Variants in FAM83F observed in about 807,000 individuals in gnomAD.
FAM83F encodes protein FAM83F.
In FAM83F, 45 loss-of-function variants were observed where a neutral mutation model predicts 42.9. That is an observed-to-expected ratio of 1.05 (90% CI 0.83 to 1.35). FAM83F has a LOEUF of 1.35. Ranked by LOEUF, FAM83F falls within the 40% of genes most tolerant of loss-of-function variation. FAM83F has a pLI of 0.00. For synonymous variants in FAM83F, 306 were observed against 298.3 expected (o/e 1.03, Z -0.27); for missense variants, 617 against 695.9 (o/e 0.89, Z 1.28).
At chr22:40,016,940 A>G (rs547231623) in intron 1 of FAM83F, among the ~76,000 whole-genome samples, 3 of 152,332 alleles carry the variant, frequency 2.0e-5, no homozygotes, top group Admixed American at 1.3e-4. Context: ...CTGGGATTAC[A>G]GGCTTGAGAC....
At chr22:40,005,844 A>G (rs367973445) in intron 1 of FAM83F, among the ~76,000 whole-genome samples, 9 of 152,336 alleles carry the variant, frequency 5.9e-5, no homozygotes, top group African/African-American at 2.2e-4. Flanking sequence ...AGTGAGTCCA[A>G]GACAATGGAA....
At chr22:40,005,573 T>C (rs2067423055) in intron 1 of FAM83F, among the ~76,000 whole-genome samples, 2 of 152,244 alleles carry the variant, frequency 1.3e-5, no homozygotes, top group Non-Finnish European at 2.9e-5. Context: ...TCTGTCTTCC[T>C]CCTCTGGAGA....
intron 4 of FAM83F, among the ~76,000 whole-genome samples, chr22:40,024,175 A>G (rs1490006762): frequency 6.6e-6 from 1 of 151,952 alleles, no homozygotes; most frequent in Non-Finnish European, 1.5e-5. Context: ...AATTTTTTAA[A>G]TTGTTTGTAT....
In FAM83F at chr22:40,040,860, C is replaced by A. The variant is rs1051479013; in HGVS notation, c.*11295C>A. 1 of 152,168 alleles carries A rather than the reference C, an allele frequency of 6.6e-6. No individual in the cohort carries two copies. The highest frequency in any genetic ancestry group is 1.5e-5 in the Non-Finnish European group (1 of 68,034). 9.4% of individuals were successfully genotyped at this position (152,168 alleles called of 1,614,324 possible). A position where few individuals can be genotyped will look rare whatever the true frequency, so the allele number is the denominator to read the frequency against. ...ATTGGAGAATGCTTAATGAACACTT[C>A]CAAATTCTTCATAGCTATGAGGGGC... On this transcript the variant is annotated 3_prime_UTR_variant, in exon 5 of 5. Transcript: ENST00000333407.
intron 1 of FAM83F, among the ~76,000 whole-genome samples, chr22:40,009,261 GC>G (rs1010038509): frequency 1.3e-5 from 2 of 151,262 alleles, no homozygotes; most frequent in Non-Finnish European, 3.0e-5. Flanking sequence ...TCACCAAAAG[GC>G]CCCCCCGAGA....
At position 40,040,476 on chromosome 22, in the gene FAM83F, T is replaced by C. The variant is rs1450904767; in HGVS notation, c.*10911T>C. On this transcript the variant is annotated 3_prime_UTR_variant, in exon 5 of 5. Coordinates refer to ENST00000333407, the MANE Select transcript of FAM83F (RefSeq NM_138435.4). The stretch of plus-strand genomic sequence containing the variant: ...ATTATTAACCATAATCCTGGTTCTC[T>C]TGTGAGCTGCCTCCTGTGTGTCTAG... The C allele has an allele frequency of 6.6e-6, 1 of 152,234 alleles. No homozygotes were observed. The allele number at this position is 152,234 out of a possible 1,614,324, so 9.4% of individuals were successfully genotyped here. A position where few individuals can be genotyped will look rare whatever the true frequency, so the allele number is the denominator to read the frequency against.
intron 1 of FAM83F, among the ~76,000 whole-genome samples, chr22:39,998,490 C>T (rs1352025786): frequency 1.3e-5 from 2 of 151,130 alleles, no homozygotes; most frequent in African/African-American, 4.9e-5. Context: ...GAGAAAGGAG[C>T]CTAATTAGGA....
In FAM83F at chr22:40,019,295, A is replaced by T. The variant is rs764354051; in HGVS notation, c.617A>T (p.Glu206Val). The part of the protein sequence containing the change: ...LDEAGVKYFL[E>V]MCQDLQLTDF... ...GAGGCAGGAGTGAAGTATTTCCTGG[A>T]GATGTGTCAGGACCTGCAGCTCACT... Residue 206 changes from glutamate to valine, a missense_variant, in exon 2 of 5, where the codon GAG becomes GTG. Coordinates refer to ENST00000333407, the MANE Select transcript of FAM83F (RefSeq NM_138435.4). 3.1e-6 allele frequency: 5 copies of T among 1,613,970 alleles called. No homozygotes were observed. Among genetic ancestry groups the T allele is most frequent in the Non-Finnish European group, 4.2e-6 (5 of 1,180,012 alleles).
intron 1 of FAM83F, chr22:40,010,156 G>C (rs1425564866): frequency 6.6e-6 from 1 of 152,250 alleles, no homozygotes; most frequent in Non-Finnish European, 1.5e-5. Context: ...CAGCCAGCTG[G>C]AGGGGGCGTG....
rs2067533666 is a variant in FAM83F at position 40,023,443 on chromosome 22, A to G, written c.1453+1480A>G. Among the ~76,000 whole-genome samples the G allele has an allele frequency of 6.6e-6, 1 of 151,972 alleles. No individual in the cohort carries two copies. The highest frequency in any genetic ancestry group is 1.5e-5 in the Non-Finnish European group (1 of 67,972). On this transcript the variant is annotated intron_variant, in intron 4 of 4. Transcript: ENST00000333407. The surrounding 1 kb of genome is among the most constrained non-coding windows in gnomAD (Gnocchi z 4.1). The stretch of plus-strand genomic sequence containing the variant: ...GGCAAGGGAGCGAGGGGAAGAGGGG[A>G]AGGAGGTGGAAGAGGGGAAGGAGGG...
At chr22:40,005,362 A>AATT (rs2067422047) in intron 1 of FAM83F, among the ~76,000 whole-genome samples, 1 of 152,344 alleles carries the variant, frequency 6.6e-6, no homozygotes, top group South Asian at 2.1e-4. Flanking sequence ...GCTTTAAGCT[A>AATT]ATGTTAAAAT....
chr22:40,019,889 C>A lies in FAM83F; in HGVS notation c.660C>A (p.Asn220Lys). The change falls in exon 3 of 5, where the codon AAC becomes AAA. Residue 220 changes from asparagine (N) to lysine (K), a missense_variant and splice_region_variant. Transcript: ENST00000333407. ...GGGCCTTCTGCTCTTCCCAACAGAACATCCGTGTCCGCTCTGTGACAGGCG... is the reference window on the plus strand; with the variant it reads ...GGGCCTTCTGCTCTTCCCAACAGAAAATCCGTGTCCGCTCTGTGACAGGCG... ...DLQLTDFRIRNIRVRSVTGVG... is the reference protein window; with the variant it reads ...DLQLTDFRIRKIRVRSVTGVG... 1 of 1,609,664 alleles carries A rather than the reference C, an allele frequency of 6.2e-7. No individual in the cohort carries two copies. The highest frequency in any genetic ancestry group is 8.5e-7 in the Non-Finnish European group (1 of 1,178,072).
intron 1 of FAM83F, among the ~76,000 whole-genome samples, chr22:40,008,378 G>A (rs1445141240): frequency 6.6e-6 from 1 of 152,192 alleles, no homozygotes; most frequent in African/African-American, 2.4e-5. Flanking sequence ...GAGAGAAGAG[G>A]GCACCTGCAT....
intron 4 of FAM83F, among the ~76,000 whole-genome samples, chr22:40,029,080 CGTGTGTGTGTGTGTGTGT>C (rs55770640): frequency 2.5e-3 from 327 of 130,608 alleles, no homozygotes; most frequent in African/African-American, 8.2e-3. Context: ...CTTGGCTAGA[CGTGTGTGTGTGTGTGTGT>C]GTGTGTGTGT....
chr22:40,025,116 A>G (rs1390903984), intron 4 of FAM83F, among the ~76,000 whole-genome samples: 2 of 152,100 alleles, frequency 1.3e-5, no homozygotes, highest in Non-Finnish European at 2.9e-5. Flanking sequence ...CTCAGTGGAG[A>G]GCCTTGGTAA....
chr22:39,999,738 A>G (rs1410858127), intron 1 of FAM83F, among the ~76,000 whole-genome samples: 1 of 152,196 alleles, frequency 6.6e-6, no homozygotes, highest in Non-Finnish European at 1.5e-5. Context: ...GTAGGTAACC[A>G]TGACTAACTA....
chr22:40,028,436 T>G (rs2067566958), intron 4 of FAM83F, among the ~76,000 whole-genome samples: 1 of 152,172 alleles, frequency 6.6e-6, no homozygotes, highest in Non-Finnish European at 1.5e-5. Context: ...GAGGCAGCCC[T>G]TGCTGTGTGG....
intron 1 of FAM83F, among the ~76,000 whole-genome samples, chr22:40,013,124 A>G (rs917243916): frequency 6.9e-6 from 1 of 144,344 alleles, no homozygotes; most frequent in Non-Finnish European, 1.5e-5. Flanking sequence ...TCCTTTTTAC[A>G]TACTTATTAG....
chr22:40,032,179 C>T lies in FAM83F; in HGVS notation c.*2614C>T, dbSNP rs1169375652. 2 of 152,324 alleles carry T rather than the reference C, an allele frequency of 1.3e-5. No homozygotes were observed. The highest frequency in any genetic ancestry group is 1.9e-4 in the East Asian group (1 of 5,192). The allele number at this position is 152,324 out of a possible 1,614,324, so 9.4% of individuals were successfully genotyped here. ...GGCTTCACTGCACCCCCCTCCCACC[C>T]CACACCACCACCAAGCTGCTGTCTT... On this transcript the variant is annotated 3_prime_UTR_variant, in exon 5 of 5. Transcript: ENST00000333407.
Sources: allele counts gnomAD v4.1 joint callset (sites outside exome capture counted in the v4.1 genomes callset), GRCh38; gene constraint gnomAD v4.1.1; non-coding constraint Gnocchi (gnomAD v3.1); transcripts MANE v1.5; gene names NCBI Gene and HGNC (gene_info 2026-07-23, HGNC 2026-07-21).